PITPNA: variants seen among roughly 807,000 people sequenced by gnomAD.
PITPNA encodes phosphatidylinositol transfer protein alpha isoform.
A neutral mutation model predicts 50.3 loss-of-function variants in PITPNA; 13 were observed. That is an observed-to-expected ratio of 0.26 (90% CI 0.17 to 0.41). The LOEUF is 0.41. PITPNA is among the 10% of genes least tolerant of loss of function. The pLI is 1.00. For synonymous variants in PITPNA, 120 were observed against 119.6 expected (o/e 1.00, Z -0.02); for missense variants, 207 against 333.4 (o/e 0.62, Z 2.95).
intron 3 of PITPNA, among the ~76,000 whole-genome samples, chr17:1,552,520 T>C (rs559733799): frequency 5.3e-5 from 8 of 152,190 alleles, no homozygotes; most frequent in Non-Finnish European, 7.3e-5. Flanking sequence ...AAAATTTCTC[T>C]AGCGATCGAT....
chr17:1,543,180 C>T (rs2075656525), intron 4 of PITPNA, among the ~76,000 whole-genome samples, 153 bp from the exon 5 acceptor site: 1 of 152,150 alleles, frequency 6.6e-6, no homozygotes, highest in African/African-American at 2.4e-5. Flanking sequence ...CCCAGTGAGT[C>T]AGAAATACCT....
At chr17:1,547,812 GGT>G (rs1362008164) in intron 4 of PITPNA, among the ~76,000 whole-genome samples, 2 of 152,100 alleles carry the variant, frequency 1.3e-5, no homozygotes, top group Non-Finnish European at 2.9e-5. Flanking sequence ...TGGGCAACAT[GGT>G]GAAACTCTGT....
chr17:1,542,749 T>C (rs2075654067), intron 5 of PITPNA, among the ~76,000 whole-genome samples: 1 of 152,198 alleles, frequency 6.6e-6, no homozygotes, highest in African/African-American at 2.4e-5. Flanking sequence ...TGAAAAGGTG[T>C]GACCTGGGGA....
chr17:1,550,276 A>C (rs990753425), intron 3 of PITPNA, among the ~76,000 whole-genome samples: 1 of 152,220 alleles, frequency 6.6e-6, no homozygotes, highest in Admixed American at 6.5e-5. Context: ...AGTTCATGCC[A>C]TAATGCGGTG....
chr17:1,537,193 A>G (rs573381487), intron 7 of PITPNA, among the ~76,000 whole-genome samples: 1 of 151,834 alleles, frequency 6.6e-6, no homozygotes, highest in Non-Finnish European at 1.5e-5. Flanking sequence ...TCTCCTAAGT[A>G]GCTGGGATTA....
intron 2 of PITPNA, among the ~76,000 whole-genome samples, chr17:1,553,408 A>C (rs1489310422): frequency 2.6e-5 from 4 of 151,822 alleles, no homozygotes; most frequent in South Asian, 2.1e-4. Flanking sequence ...ATTTTTATTT[A>C]TTTATTTTTT....
intron 6 of PITPNA, 113 bp downstream of exon 6, chr17:1,541,453 C>A: frequency 1.3e-6 from 1 of 778,732 alleles, no homozygotes; most frequent in South Asian, 1.5e-5. Context: ...AGGCCACTGC[C>A]TTCCCGGCCA....
At chr17:1,549,475 C>A (rs2075696821) in intron 3 of PITPNA, among the ~76,000 whole-genome samples, 1 of 151,210 alleles carries the variant, frequency 6.6e-6, no homozygotes, top group East Asian at 2.0e-4. Flanking sequence ...CGCCACCACG[C>A]CCGGCTAATT....
chr17:1,537,191 G>A (rs2075623330), intron 7 of PITPNA, among the ~76,000 whole-genome samples: 1 of 151,978 alleles, frequency 6.6e-6, no homozygotes, highest in Non-Finnish European at 1.5e-5. Context: ...AGTCTCCTAA[G>A]TAGCTGGGAT....
intron 10 of PITPNA, 55 bp from the exon 11 acceptor site, chr17:1,521,700 G>T: frequency 6.8e-7 from 1 of 1,460,204 alleles, no homozygotes; most frequent in Non-Finnish European, 9.6e-7. Flanking sequence ...TGGAACTCCT[G>T]CCTTCTCAGT....
intron 1 of PITPNA, 108 bp from the exon 2 acceptor site, chr17:1,558,667 T>A: frequency 1.3e-6 from 1 of 789,456 alleles, no homozygotes; most frequent in Non-Finnish European, 2.2e-6. Flanking sequence ...TGTAAGACAC[T>A]AAATTCAGTG....
intron 4 of PITPNA, among the ~76,000 whole-genome samples, chr17:1,543,385 A>G (rs1415437543): frequency 1.3e-5 from 2 of 151,714 alleles, no homozygotes; most frequent in Admixed American, 6.6e-5. Context: ...TCCCACCCCT[A>G]CCCCAGCCTC....
intron 10 of PITPNA, among the ~76,000 whole-genome samples, chr17:1,526,041 G>A (rs576650507): frequency 7.9e-5 from 12 of 152,124 alleles, no homozygotes; most frequent in African/African-American, 9.7e-5. Context: ...TGGAAGCAGC[G>A]CTCCTTGAAG....
At chr17:1,528,758 G>C (rs921438553) in intron 10 of PITPNA, among the ~76,000 whole-genome samples, 9 of 151,158 alleles carry the variant, frequency 6.0e-5, no homozygotes, top group African/African-American at 2.2e-4. Flanking sequence ...AAAAAGAAAA[G>C]AAAACAAAGC....
intron 3 of PITPNA, among the ~76,000 whole-genome samples, chr17:1,550,145 G>A (rs543326531): frequency 2.6e-5 from 4 of 152,304 alleles, no homozygotes; most frequent in Non-Finnish European, 4.4e-5. Flanking sequence ...CCATTCAGGC[G>A]AGTATTTCTA....
intron 3 of PITPNA, among the ~76,000 whole-genome samples, chr17:1,552,142 G>T (rs999242924): frequency 1.3e-5 from 2 of 152,258 alleles, no homozygotes; most frequent in African/African-American, 4.8e-5. Flanking sequence ...TTAGAGACTA[G>T]AAATTAAGAT....
chr17:1,530,190 T>C (rs982354342), intron 10 of PITPNA, among the ~76,000 whole-genome samples: 3 of 152,176 alleles, frequency 2.0e-5, no homozygotes, highest in African/African-American at 7.2e-5. Flanking sequence ...AGTTCCCCAT[T>C]ACAGGCAGTA....
chr17:1,526,266 T>C (rs76566037), intron 10 of PITPNA, among the ~76,000 whole-genome samples: 7,549 of 152,296 alleles, frequency 0.05, 240 homozygotes, highest in Non-Finnish European at 0.075. Flanking sequence ...TTCTACAAAA[T>C]GATCAGCCTA....
intron 7 of PITPNA, among the ~76,000 whole-genome samples, chr17:1,536,889 G>A (rs1398784010): frequency 2.0e-5 from 3 of 146,918 alleles, no homozygotes; most frequent in African/African-American, 5.1e-5. Flanking sequence ...CACTATGTCC[G>A]GCCGATTTTT....
Sources: allele counts gnomAD v4.1 joint callset (sites outside exome capture counted in the v4.1 genomes callset), GRCh38; gene constraint gnomAD v4.1.1; transcripts MANE v1.5; gene names NCBI Gene and HGNC (gene_info 2026-07-23, HGNC 2026-07-21).